Variants in ENOSF1 observed in about 807,000 individuals in gnomAD.
ENOSF1 encodes enolase superfamily member 1.
A neutral mutation model predicts 68.2 loss-of-function variants in ENOSF1; 73 were observed. The ratio of observed to expected loss-of-function variants is 1.07; its 90% CI spans 0.89 to 1.30. The LOEUF (loss-of-function observed/expected upper bound fraction) is 1.30. Ranked by LOEUF, ENOSF1 falls within the 50% of genes most tolerant of loss-of-function variation. The pLI is 0.00. For synonymous variants in ENOSF1, 223 were observed against 210.4 expected (o/e 1.06, Z -0.52); for missense variants, 589 against 554.5 (o/e 1.06, Z -0.62).
chr18:680,807 A>C (rs1057347678), intron 11 of ENOSF1, among the ~76,000 whole-genome samples: 9 of 148,376 alleles, frequency 6.1e-5, no homozygotes, highest in African/African-American at 2.0e-4. Flanking sequence ...CAGCCTCCTG[A>C]GTAGCTGGGA....
chr18:692,957 A>G, intron 5 of ENOSF1: 2 of 1,169,554 alleles, frequency 1.7e-6, no homozygotes, highest in Non-Finnish European at 2.2e-6. Flanking sequence ...TTTGCCAACT[A>G]ATAACAAGGG....
intron 8 of ENOSF1, 96 bp from the exon 9 acceptor site, chr18:688,704 T>C: frequency 9.0e-7 from 1 of 1,113,104 alleles, no homozygotes. Context: ...GCATTACGGT[T>C]ATAGCATAGA....
chr18:663,104 A>G, the ENOSF1 span, among the ~76,000 whole-genome samples: 1 of 97,708 alleles, frequency 1.0e-5, no homozygotes, highest in African/African-American at 6.6e-5. Context: ...GACTTCCACA[A>G]TGGTTGAACT....
rs373085791 is a variant in ENOSF1 at position 677,377 on chromosome 18, G to A, written c.1116C>T (p.Asp372=). The change falls in exon 14 of 16, where the codon GAC becomes GAT. Residue 372 remains aspartate (D), a synonymous_variant. Transcript: ENST00000647584. Reference sequence around the variant, plus strand: ...CAAGGCTTGCAGAAACTGATATGTAGTCAAATATAATCAGGTGCTGCACCA... The same window carrying A: ...CAAGGCTTGCAGAAACTGATATGTAATCAAATATAATCAGGTGCTGCACCA... ...CELVQHLIIF[D]YISVSASLEN... is the part of the protein sequence containing the mutation. The A allele has an allele frequency of 1.5e-4, 240 of 1,613,712 alleles. No homozygotes were observed. Among genetic ancestry groups the A allele is most frequent in the Admixed American group, 2.5e-4 (15 of 59,850 alleles).
At chr18:699,987 G>C (rs1341176625) in intron 2 of ENOSF1, among the ~76,000 whole-genome samples, 7 of 152,188 alleles carry the variant, frequency 4.6e-5, no homozygotes, top group Non-Finnish European at 8.8e-5. Flanking sequence ...AGCGGAGGGA[G>C]GAGAATCACT....
chr18:668,800 A>G (rs1245237904), downstream of ENOSF1, among the ~76,000 whole-genome samples: 2 of 152,166 alleles, frequency 1.3e-5, no homozygotes, highest in Non-Finnish European at 2.9e-5. Flanking sequence ...GAACAGGAGG[A>G]GGTGACTCCA....
At chr18:685,782 C>T (rs1296982965) in intron 10 of ENOSF1, 139 bp downstream of exon 10, 5 of 680,094 alleles carry the variant, frequency 7.4e-6, no homozygotes, top group African/African-American at 5.4e-5. Flanking sequence ...TGTTTGAGCT[C>T]GCCTACTGCA....
chr18:669,351 G>C, downstream of ENOSF1: 2 of 507,932 alleles, frequency 3.9e-6, no homozygotes. Context: ...CAGATCATGA[G>C]GTTGGGCCCA....
chr18:687,621 C>G (rs1568059634), intron 9 of ENOSF1: 1 of 152,140 alleles, frequency 6.6e-6, no homozygotes. Context: ...AGATGATGGT[C>G]CCTCTGCATC....
intron 3 of ENOSF1, 55 bp downstream of exon 3, chr18:697,185 T>A: frequency 1.7e-6 from 2 of 1,168,436 alleles, no homozygotes; most frequent in Admixed American, 3.4e-5. Context: ...TCAAAGGACA[T>A]CTCAGACCTT....
intron 5 of ENOSF1, 184 bp downstream of exon 5, chr18:693,698 G>C (rs2077434043): frequency 1.0e-6 from 1 of 985,216 alleles, no homozygotes; most frequent in African/African-American, 1.7e-5. Context: ...GCCTGCATGA[G>C]CACAGCCATC....
intron 2 of ENOSF1, among the ~76,000 whole-genome samples, chr18:703,901 C>T (rs998052641): frequency 2.6e-5 from 4 of 152,086 alleles, no homozygotes; most frequent in African/African-American, 7.2e-5. Context: ...AGTGAGTTCT[C>T]GTGAGATCTG....
intron 11 of ENOSF1, among the ~76,000 whole-genome samples, chr18:681,469 C>T (rs546485831): frequency 3.2e-4 from 48 of 152,338 alleles, no homozygotes; most frequent in Admixed American, 8.5e-4. Context: ...AGCTGGCATT[C>T]AGCAGGGCAC....
intron 15 of ENOSF1, 101 bp from the exon 16 acceptor site, chr18:674,507 C>G: frequency 2.7e-6 from 2 of 737,964 alleles, no homozygotes; most frequent in Non-Finnish European, 4.5e-6. Flanking sequence ...ACGTCTAAGC[C>G]AGAGGCAATT....
At chr18:679,357 A>C (rs1453313150) in intron 11 of ENOSF1, among the ~76,000 whole-genome samples, 1 of 151,124 alleles carries the variant, frequency 6.6e-6, no homozygotes, top group Non-Finnish European at 1.5e-5. Context: ...TTAGAGGTGC[A>C]CGCCACCATG....
intron 11 of ENOSF1, among the ~76,000 whole-genome samples, chr18:680,478 A>AT (rs1003552368): frequency 1.3e-5 from 2 of 152,084 alleles, no homozygotes; most frequent in Non-Finnish European, 2.9e-5. Flanking sequence ...CTCCTTTTCA[A>AT]TATTTCCTGA....
rs767262575 is a variant in ENOSF1, at chr18:685,046, T to TAG, written c.741+873_741+874dup. Among the ~76,000 whole-genome samples, 132 of 152,202 alleles carry TAG rather than the reference T, an allele frequency of 8.7e-4. 1 individual carries two copies. The highest frequency in any genetic ancestry group is 1.8e-3 in the Non-Finnish European group (122 of 68,008). ...GGTTAATTTTTTTTCTTCTTTCTTT[T>TAG]AGAGAGAGAGTCTTGCTATGTAGCC... On this transcript the variant is annotated intron_variant, in intron 10 of 15. Coordinates refer to ENST00000647584, the MANE Select transcript of ENOSF1 (RefSeq NM_017512.7).
At chr18:706,107 T>C (rs1275491439) in intron 2 of ENOSF1, among the ~76,000 whole-genome samples, 4 of 152,078 alleles carry the variant, frequency 2.6e-5, no homozygotes, top group Non-Finnish European at 4.4e-5. Flanking sequence ...CTCCCTCTCA[T>C]TGCCCTTGGT....
intron 2 of ENOSF1, among the ~76,000 whole-genome samples, chr18:703,059 A>G (rs1312979786): frequency 6.6e-6 from 1 of 152,204 alleles, no homozygotes; most frequent in Non-Finnish European, 1.5e-5. Flanking sequence ...GTCACCTGAA[A>G]TATGTAGCAA....
Sources: allele counts gnomAD v4.1 joint callset (sites outside exome capture counted in the v4.1 genomes callset), GRCh38; gene constraint gnomAD v4.1.1; transcripts MANE v1.5; gene names NCBI Gene and HGNC (gene_info 2026-07-23, HGNC 2026-07-21).